The following USP14 variants were observed in gnomAD, a reference collection of about 807,000 sequenced individuals.
The protein encoded by USP14 is ubiquitin specific peptidase 14.
In USP14, 38 loss-of-function variants were observed where a neutral mutation model predicts 76.5. That is an observed-to-expected ratio of 0.50 (90% confidence interval 0.38 to 0.65). The LOEUF is 0.65. Among genes scored for constraint, USP14 ranks in the 30% least tolerant of loss-of-function variants. USP14 has a pLI of 0.00. For synonymous variants in USP14, 192 were observed against 191.7 expected (o/e 1.00, Z -0.01); for missense variants, 467 against 586.5 (o/e 0.80, Z 2.10).
intron 2 of USP14, among the ~76,000 whole-genome samples, chr18:164,977 C>T (rs1396272153): frequency 1.3e-5 from 2 of 152,026 alleles, no homozygotes; most frequent in African/African-American, 4.8e-5. Flanking sequence ...GATTGAGTCT[C>T]CCTCTGTCAC....
intron 13 of USP14, 97 bp downstream of exon 13, chr18:204,789 T>C: frequency 1.4e-6 from 2 of 1,411,486 alleles, no homozygotes; most frequent in South Asian, 1.3e-5. Context: ...CATTTTTCCT[T>C]CAGAACTATA....
At chr18:189,236 T>G (rs1171260779) in intron 5 of USP14, among the ~76,000 whole-genome samples, 1 of 152,184 alleles carries the variant, frequency 6.6e-6, no homozygotes, top group Non-Finnish European at 1.5e-5. Flanking sequence ...TTTTGAGTTG[T>G]CTGATTCATC....
rs554995102 is a variant in USP14 at position 205,571 on chromosome 18, C to A, written c.1164+879C>A. 1.2e-4 allele frequency among the ~76,000 whole-genome samples: 18 copies of A among 152,090 alleles called. 1 individual carries two copies. The South Asian group carries it at 1.5e-3, about 12-fold the overall frequency. ...GGAGGATCACTTTAGGCCAGGAGTTCGAGACTGTCCTGGGCAACGTAGTGA... is the reference window on the plus strand; with the variant it reads ...GGAGGATCACTTTAGGCCAGGAGTTAGAGACTGTCCTGGGCAACGTAGTGA... On this transcript the variant is annotated intron_variant, in intron 13 of 15. Transcript: ENST00000261601.
At position 213,270 on chromosome 18, in the gene USP14, G is replaced by T. The variant is rs1007826567; in HGVS notation, c.*1986G>T. ...CTAAATGTTGTAGCTACTAGACCAG[G>T]TGAGCTAGGTTTAGAGCAAAGTATA... is the stretch of plus-strand genomic sequence containing the variant. On this transcript the variant is annotated 3_prime_UTR_variant, in exon 16 of 16. Transcript: ENST00000261601. 2.6e-5 allele frequency: 4 copies of T among 152,150 alleles called. No individual in the cohort carries two copies. The highest frequency in any genetic ancestry group is 7.2e-5 in the African/African-American group (3 of 41,432). 9.4% of individuals were successfully genotyped at this position (152,150 alleles called of 1,614,324 possible). A position where few individuals can be genotyped will look rare whatever the true frequency, so the allele number is the denominator to read the frequency against.
chr18:195,676 T>C (rs1445329613), intron 6 of USP14, among the ~76,000 whole-genome samples: 1 of 152,184 alleles, frequency 6.6e-6, no homozygotes, highest in Non-Finnish European at 1.5e-5. Context: ...GTCAGCTGTT[T>C]AAGGACCCAG....
At chr18:192,136 G>A (rs903464816) in intron 5 of USP14, among the ~76,000 whole-genome samples, 2 of 152,214 alleles carry the variant, frequency 1.3e-5, no homozygotes. Flanking sequence ...GCAAGCTAAT[G>A]CTGAATGTAG....
chr18:205,390 A>C (rs751413511), intron 13 of USP14, among the ~76,000 whole-genome samples: 1 of 152,192 alleles, frequency 6.6e-6, no homozygotes, highest in Non-Finnish European at 1.5e-5. Flanking sequence ...AAGATCTTGC[A>C]TTATTGCCAC....
At chr18:182,352 T>C (rs1909810092) in intron 5 of USP14, among the ~76,000 whole-genome samples, 1 of 152,228 alleles carries the variant, frequency 6.6e-6, no homozygotes, top group Non-Finnish European at 1.5e-5. Context: ...TCTAGACAGC[T>C]TTATGAATAT....
intron 1 of USP14, 89 bp downstream of exon 1, chr18:158,803 T>C: frequency 7.7e-7 from 1 of 1,297,832 alleles, no homozygotes. Flanking sequence ...GCACCCGGCA[T>C]GGACTGGGAG....
intron 1 of USP14, among the ~76,000 whole-genome samples, chr18:159,615 T>C (rs1909060885): frequency 6.6e-6 from 1 of 152,228 alleles, no homozygotes; most frequent in African/African-American, 2.4e-5. Context: ...AGAGTATTGT[T>C]TGATCTCAAG....
intron 5 of USP14, among the ~76,000 whole-genome samples, chr18:190,574 T>C (rs1910059552): frequency 6.6e-6 from 1 of 152,198 alleles, no homozygotes; most frequent in Non-Finnish European, 1.5e-5. Flanking sequence ...GTGGCCTACA[T>C]AACTTTTGGT....
chr18:196,553 T>G, intron 6 of USP14, 84 bp from the exon 7 acceptor site: 2 of 1,450,826 alleles, frequency 1.4e-6, no homozygotes, highest in Non-Finnish European at 1.8e-6. Flanking sequence ...TAAGTTTTTG[T>G]TTGTATTAAT....
rs1170445500 is a variant in USP14 at position 214,478 on chromosome 18, T to A, written c.*3194T>A. On this transcript the variant is annotated 3_prime_UTR_variant, in exon 16 of 16. Transcript: ENST00000261601. ...CCCCAAACTCTGGTTTGAGCCAATA[T>A]GTGTTCTATTGTTCTCAGAGCACCA... The A allele has an allele frequency of 3.0e-5, 20 of 658,736 alleles. No homozygotes were observed. The highest frequency in any genetic ancestry group is 3.5e-5 in the Non-Finnish European group (14 of 397,756). The allele number at this position is 658,736 out of a possible 1,614,324, so 40.8% of individuals were successfully genotyped here. A position where few individuals can be genotyped will look rare whatever the true frequency, so the allele number is the denominator to read the frequency against.
At chr18:170,313 C>T (rs555345172) in intron 3 of USP14, among the ~76,000 whole-genome samples, 12 of 151,894 alleles carry the variant, frequency 7.9e-5, no homozygotes, top group Admixed American at 3.9e-4. Context: ...CAAAAATAAA[C>T]AAATAAATAA....
chr18:180,400 G>C, intron 5 of USP14, 61 bp downstream of exon 5: 1 of 1,042,810 alleles, frequency 9.6e-7, no homozygotes, highest in East Asian at 2.6e-5. Flanking sequence ...GTATTGTTTT[G>C]TTTTGCTTTC....
At chr18:204,468 A>G in intron 12 of USP14, 96 bp from the exon 13 acceptor site, 2 of 1,101,452 alleles carry the variant, frequency 1.8e-6, no homozygotes, top group Non-Finnish European at 2.4e-6. Context: ...TTTCAACTGT[A>G]TCTGAATTAT....
chr18:182,826 G>T lies in USP14; in HGVS notation c.404+2487G>T, dbSNP rs562372439. On this transcript the variant is annotated intron_variant, in intron 5 of 15. Coordinates refer to ENST00000261601, the MANE Select transcript of USP14 (RefSeq NM_005151.4). ...GTTTTTAAGCAACAGTCTGGAGGCA[G>T]GAGACTGCAACATACTCAGTGCAAC... Among the ~76,000 whole-genome samples the T allele has an allele frequency of 2.0e-5, 3 of 152,308 alleles. No homozygotes were observed. In the East Asian group the frequency reaches 5.8e-4, roughly 29 times the overall value.
intron 3 of USP14, among the ~76,000 whole-genome samples, chr18:171,041 T>TAG (rs1262302686): frequency 7.3e-6 from 1 of 136,720 alleles, no homozygotes; most frequent in East Asian, 2.3e-4. Flanking sequence ...TATATATATA[T>TAG]ATATATATAT....
chr18:209,206 A>G (rs1910607504), intron 13 of USP14, among the ~76,000 whole-genome samples: 1 of 150,748 alleles, frequency 6.6e-6, no homozygotes. Flanking sequence ...GTTTCTTTGT[A>G]TAGTTTTTTC....
Sources: allele counts gnomAD v4.1 joint callset (sites outside exome capture counted in the v4.1 genomes callset), GRCh38; gene constraint gnomAD v4.1.1; transcripts MANE v1.5; gene names NCBI Gene and HGNC (gene_info 2026-07-23, HGNC 2026-07-21).